The following SORD variants were observed in gnomAD, a reference collection of about 807,000 sequenced individuals.
SORD encodes the protein (R,R)-butanediol dehydrogenase.
A neutral mutation model predicts 35.6 loss-of-function variants in SORD; 18 were observed. That is an observed-to-expected ratio of 0.51 (90% confidence interval 0.35 to 0.75). The LOEUF (loss-of-function observed/expected upper bound fraction) is 0.75. Among genes scored for constraint, SORD ranks in the 30% least tolerant of loss-of-function variants. SORD has a pLI of 0.01. For synonymous variants in SORD, 106 were observed against 152.9 expected (o/e 0.69, Z 2.26); for missense variants, 250 against 390.2 (o/e 0.64, Z 3.03).
At chr15:45,059,095 AT>A (rs1416932201) in intron 3 of SORD, among the ~76,000 whole-genome samples, 1 of 151,784 alleles carries the variant, frequency 6.6e-6, no homozygotes, top group Non-Finnish European at 1.5e-5. Flanking sequence ...CTGTAGCTTG[AT>A]TTTTCCAAGC....
In SORD at chr15:45,065,349, C is replaced by T. The variant is rs2229656; in HGVS notation, c.504C>T (p.Gly168=). 4,252 of 1,613,676 alleles carry T rather than the reference C, an allele frequency of 2.6e-3. 81 individuals carry two copies. In the African/African-American group the frequency reaches 0.044, roughly 17 times the overall value. Residue 168 remains glycine, a synonymous_variant, in exon 5 of 9, where the codon GGC becomes GGT. Coordinates refer to ENST00000267814, the MANE Select transcript of SORD (RefSeq NM_003104.6). Reference sequence around the variant, plus strand: ...TGGGGATCCATGCCTGCAGGAGAGGCGGAGTTACCCTGGGACACAAGGTCC... The same window carrying T: ...TGGGGATCCATGCCTGCAGGAGAGGTGGAGTTACCCTGGGACACAAGGTCC... ...LSVGIHACRR[G]GVTLGHKVLV... is the part of the protein sequence containing the mutation.
At chr15:45,057,928 G>A (rs912372478) in intron 3 of SORD, among the ~76,000 whole-genome samples, 7 of 152,212 alleles carry the variant, frequency 4.6e-5, no homozygotes, top group African/African-American at 1.7e-4. Flanking sequence ...GGACAAAAAG[G>A]TCCTTACTAG....
intron 3 of SORD, chr15:45,058,591 G>C (rs1893254271): frequency 6.6e-6 from 1 of 152,206 alleles, no homozygotes; most frequent in South Asian, 2.1e-4. Context: ...AAGCAGTCTA[G>C]GGTCAGTGTA....
At chr15:45,036,402 A>G in intron 1 of SORD, 1 of 454,808 alleles carries the variant, frequency 2.2e-6, no homozygotes, top group Non-Finnish European at 4.4e-6. Context: ...TTAAAAGATA[A>G]GAAATTCGGC....
At chr15:45,038,741 C>T (rs777247244) in intron 1 of SORD, among the ~76,000 whole-genome samples, 2 of 152,142 alleles carry the variant, frequency 1.3e-5, no homozygotes, top group African/African-American at 4.8e-5. Flanking sequence ...GTGATAGTAC[C>T]GAGCAGCATT....
chr15:45,053,541 A>AC (rs1893162531), intron 3 of SORD, among the ~76,000 whole-genome samples: 1 of 152,164 alleles, frequency 6.6e-6, no homozygotes, highest in African/African-American at 2.4e-5. Context: ...TACACAGTAG[A>AC]CCATTTGTCA....
intron 3 of SORD, among the ~76,000 whole-genome samples, chr15:45,058,022 T>G (rs1893245605): frequency 6.6e-6 from 1 of 152,242 alleles, no homozygotes; most frequent in Non-Finnish European, 1.5e-5. Flanking sequence ...CTTTCCTGGT[T>G]ACTAAGGCAC....
chr15:45,026,063 A>C (rs1892663741), intron 1 of SORD, among the ~76,000 whole-genome samples: 1 of 152,138 alleles, frequency 6.6e-6, no homozygotes. Context: ...GAGGAGACCC[A>C]CTGTGCTGCC....
At chr15:45,037,482 G>T (rs1161302121) in intron 1 of SORD, among the ~76,000 whole-genome samples, 1 of 152,186 alleles carries the variant, frequency 6.6e-6, no homozygotes, top group Non-Finnish European at 1.5e-5. Flanking sequence ...CTGTGGAACT[G>T]TCTTTCAGTG....
At position 45,068,873 on chromosome 15, in the gene SORD, T is replaced by G; in HGVS notation, c.611-4T>G. 1 of 1,411,222 alleles carries G rather than the reference T, an allele frequency of 7.1e-7. No individual in the cohort carries two copies. The highest frequency in any genetic ancestry group is 9.3e-7 in the Non-Finnish European group (1 of 1,073,484). 87.4% of individuals were successfully genotyped at this position (1,411,222 alleles called of 1,614,324 possible). ...ATTTTTTTTTTTTTTTTTTTTACCT[T>G]CAGATCTGTCTGCTACCCGATTGTC... On this transcript the variant is annotated splice_polypyrimidine_tract_variant and splice_region_variant and intron_variant, in intron 6 of 8. Coordinates refer to ENST00000267814, the MANE Select transcript of SORD (RefSeq NM_003104.6).
intron 1 of SORD, among the ~76,000 whole-genome samples, chr15:45,028,289 T>A (rs578257772): frequency 6.6e-6 from 1 of 152,386 alleles, no homozygotes; most frequent in African/African-American, 2.4e-5. Flanking sequence ...ATCATGCCAC[T>A]GCACTGCAGC....
Position 45,023,206 on chromosome 15 carries a change from C to A in SORD, c.-78C>A. 7.7e-7 allele frequency: 1 copy of A among 1,299,790 alleles called. No individual in the cohort carries two copies. The highest frequency in any genetic ancestry group is 1.5e-5 in the African/African-American group (1 of 66,260). 80.5% of individuals were successfully genotyped at this position (1,299,790 alleles called of 1,614,324 possible). On this transcript the variant is annotated 5_prime_UTR_variant, in exon 1 of 9. Transcript: ENST00000267814. ...CCCACCTTCCATCCAGTGCCCTGGA[C>A]CCTCGGCTGGGTAGCGCCACCAGAG...
At chr15:45,031,306 T>G (rs1259674499) in intron 1 of SORD, among the ~76,000 whole-genome samples, 19 of 151,186 alleles carry the variant, frequency 1.3e-4, no homozygotes, top group African/African-American at 4.4e-4. Context: ...AGAACCCATC[T>G]CTTAAAACAA....
Position 45,073,664 on chromosome 15 carries a change from G to T in SORD, c.*134G>T. On this transcript the variant is annotated 3_prime_UTR_variant, in exon 9 of 9. Transcript: ENST00000267814. ...CTAATACAATTCATTGTGAACAGAA[G>T]TCCTTAAGCAGAGGAATTGGTGTGC... The T allele has an allele frequency of 2.9e-6, 4 of 1,393,794 alleles. No homozygotes were observed. Among genetic ancestry groups the T allele is most frequent in the Non-Finnish European group, 3.8e-6 (4 of 1,048,152 alleles). The allele number at this position is 1,393,794 out of a possible 1,614,324, so 86.3% of individuals were successfully genotyped here. A position where few individuals can be genotyped will look rare whatever the true frequency, so the allele number is the denominator to read the frequency against.
intron 4 of SORD, among the ~76,000 whole-genome samples, chr15:45,061,978 C>T (rs1199752428): frequency 6.6e-6 from 1 of 152,084 alleles, no homozygotes; most frequent in Non-Finnish European, 1.5e-5. Flanking sequence ...GCTCTGGGAT[C>T]CTGGATCTAC....
Position 45,074,128 on chromosome 15 carries a change from CA to C in SORD, c.*604del, listed in dbSNP as rs1479708532. 9 of 132,024 alleles carry C rather than the reference CA, an allele frequency of 6.8e-5. No individual in the cohort carries two copies. The highest frequency in any genetic ancestry group is 2.6e-4 in the African/African-American group (8 of 31,260). The allele number at this position is 132,024 out of a possible 1,614,324, so 8.2% of individuals were successfully genotyped here. A position where few individuals can be genotyped will look rare whatever the true frequency, so the allele number is the denominator to read the frequency against. On this transcript the variant is annotated 3_prime_UTR_variant, in exon 9 of 9. Coordinates refer to ENST00000267814, the MANE Select transcript of SORD (RefSeq NM_003104.6). ...CAATCAAATGAAAAAAACAAACAAA[CA>C]AAAAAGGAAATGTCATGTGAGGTTA...
intron 4 of SORD, among the ~76,000 whole-genome samples, chr15:45,062,917 T>TGG (rs1351855486): frequency 6.8e-6 from 1 of 146,456 alleles, no homozygotes; most frequent in African/African-American, 2.7e-5. Flanking sequence ...GAAAAGCATA[T>TGG]CAAGTCTCCA....
intron 1 of SORD, among the ~76,000 whole-genome samples, chr15:45,024,326 A>G (rs1384874732): frequency 1.3e-5 from 2 of 152,218 alleles, no homozygotes; most frequent in Non-Finnish European, 2.9e-5. Flanking sequence ...GCAGTTCTTG[A>G]CTATTTAAGA....
At chr15:45,068,049 G>A in intron 5 of SORD, 132 bp from the exon 6 acceptor site, 2 of 721,800 alleles carry the variant, frequency 2.8e-6, no homozygotes, top group Non-Finnish European at 2.6e-6. Flanking sequence ...AGCCGCTAAG[G>A]TCTTATCATG....
Sources: allele counts gnomAD v4.1 joint callset (sites outside exome capture counted in the v4.1 genomes callset), GRCh38; gene constraint gnomAD v4.1.1; transcripts MANE v1.5; gene names NCBI Gene and HGNC (gene_info 2026-07-23, HGNC 2026-07-21).